The following RNF2 variants were observed in gnomAD, a reference collection of about 807,000 sequenced individuals.
The protein encoded by RNF2 is E3 ubiquitin-protein ligase RING2.
RNF2 carries 6 observed loss-of-function variants against 37.2 expected under a neutral mutation model. The ratio of observed to expected loss-of-function variants is 0.16; its 90% CI spans 0.09 to 0.32. The LOEUF (loss-of-function observed/expected upper bound fraction) is 0.32, where lower values mean the gene tolerates loss of function less well. RNF2 is among the 10% of genes least tolerant of loss of function. The pLI, the probability that RNF2 is intolerant of heterozygous loss-of-function variation, is 1.00. For missense variants in RNF2, 251 were observed against 404.0 expected (o/e 0.62, Z 3.25); for synonymous variants, 133 against 132.7 (o/e 1.00, Z -0.02).
chr1:185,059,204 A>C (rs1202986635), intron 1 of RNF2, among the ~76,000 whole-genome samples: 1 of 150,736 alleles, frequency 6.6e-6, no homozygotes, highest in African/African-American at 2.5e-5. Context: ...TGAGAATAGA[A>C]GTCTCCTGAA....
intron 4 of RNF2, among the ~76,000 whole-genome samples, chr1:185,094,760 T>C (rs1307444416): frequency 6.6e-6 from 1 of 152,230 alleles, no homozygotes; most frequent in Non-Finnish European, 1.5e-5. Context: ...TAAGACCCTA[T>C]ATAAGGTGGG....
Position 185,075,979 on chromosome 1 carries a change from T to G in RNF2, c.-2-11573T>G, listed in dbSNP as rs1055011708. On this transcript the variant is annotated intron_variant, in intron 1 of 6. Coordinates refer to ENST00000367510, the MANE Select transcript of RNF2 (RefSeq NM_007212.4). The stretch of plus-strand genomic sequence containing the variant: ...GAAGTTTAGCACAGTTTAATTTTAT[T>G]GGTTATGTATTGTGTTAATTACTCA... Among the ~76,000 whole-genome samples the G allele has an allele frequency of 3.0e-4, 46 of 152,210 alleles. 2 individuals are homozygous for G. Among genetic ancestry groups the G allele is most frequent in the Non-Finnish European group, 1.0e-4 (7 of 68,034 alleles).
chr1:185,052,176 A>T (rs1271308518), intron 1 of RNF2, among the ~76,000 whole-genome samples: 2 of 152,006 alleles, frequency 1.3e-5, no homozygotes, highest in African/African-American at 4.8e-5. Flanking sequence ...TCCTCTTCGG[A>T]GACCTTTCCT....
chr1:185,091,485 G>A, intron 2 of RNF2, 94 bp from the exon 3 acceptor site: 3 of 1,288,244 alleles, frequency 2.3e-6, no homozygotes, highest in South Asian at 2.7e-5. Flanking sequence ...GTACATATAT[G>A]TTTGTTTTTA....
At chr1:185,087,694 A>G (rs563327533) in intron 2 of RNF2, 54 bp downstream of exon 2, 46 of 1,303,730 alleles carry the variant, frequency 3.5e-5, no homozygotes, top group African/African-American at 1.7e-4. Context: ...ACTGGGATAC[A>G]TTTTTAGAAC....
intron 1 of RNF2, among the ~76,000 whole-genome samples, chr1:185,064,131 A>G (rs1650729498): frequency 6.6e-6 from 1 of 152,200 alleles, no homozygotes; most frequent in Non-Finnish European, 1.5e-5. Context: ...TAAAATTAAC[A>G]AATGGAATAT....
At chr1:185,054,386 G>A (rs1347960146) in intron 1 of RNF2, among the ~76,000 whole-genome samples, 1 of 152,160 alleles carries the variant, frequency 6.6e-6, no homozygotes, top group Non-Finnish European at 1.5e-5. Context: ...ACTCCGGAGA[G>A]GACGTGTCAA....
Position 185,091,747 on chromosome 1 carries a change from GAA to G in RNF2, c.248+11_248+12del. On this transcript the variant is annotated intron_variant, in intron 3 of 6. Coordinates refer to ENST00000367510, the MANE Select transcript of RNF2 (RefSeq NM_007212.4). ...CACAGCCCTTAGAAGTGGGTATGTT[GAA>G]AAGAGTTGTTATACTAGGTACTTAA... 1 of 1,612,308 alleles carries G rather than the reference GAA, an allele frequency of 6.2e-7. No homozygotes were observed. Among genetic ancestry groups the G allele is most frequent in the Non-Finnish European group, 8.5e-7 (1 of 1,178,978 alleles).
chr1:185,082,910 T>C (rs1392158480), intron 1 of RNF2, among the ~76,000 whole-genome samples: 1 of 152,192 alleles, frequency 6.6e-6, no homozygotes, highest in Non-Finnish European at 1.5e-5. Context: ...ATGTATAACA[T>C]AACCACATTG....
intron 1 of RNF2, among the ~76,000 whole-genome samples, chr1:185,050,386 C>A (rs559015291): frequency 2.2e-4 from 34 of 152,222 alleles, no homozygotes; most frequent in Non-Finnish European, 4.6e-4. Context: ...TTTTTATCTT[C>A]TATCCTGATT....
At chr1:185,054,860 G>A (rs1230011805) in intron 1 of RNF2, among the ~76,000 whole-genome samples, 1 of 152,072 alleles carries the variant, frequency 6.6e-6, no homozygotes, top group Non-Finnish European at 1.5e-5. Flanking sequence ...GCCACGCCCG[G>A]CTATTTTTTT....
At position 185,098,142 on chromosome 1, in the gene RNF2, T is replaced by G; in HGVS notation, c.535T>G (p.Cys179Gly). The G allele has an allele frequency of 6.2e-7, 1 of 1,614,210 alleles. No individual in the cohort carries two copies. The highest frequency in any genetic ancestry group is 8.5e-7 in the Non-Finnish European group (1 of 1,180,020). The change falls in exon 5 of 7, where the codon TGC becomes GGC. Residue 179 changes from cysteine (C) to glycine (G), a missense_variant. By Grantham distance (159) the Cys-to-Gly change is radical (BLOSUM62 -3). Around this residue, in one of 7 missense-constraint regions of RNF2, gnomAD observed 94 missense variants for 99.2 expected, o/e 0.95. Coordinates refer to ENST00000367510, the MANE Select transcript of RNF2 (RefSeq NM_007212.4). ...GAEDNGDSSHCSNASTHSNQE... is the reference protein window; with the variant it reads ...GAEDNGDSSHGSNASTHSNQE... ...AGAAGATAATGGTGACAGTTCACAC[T>G]GCAGTAATGCATCCACACATAGCAA...
intron 1 of RNF2, among the ~76,000 whole-genome samples, chr1:185,065,183 T>C (rs552139695): frequency 6.6e-6 from 1 of 152,134 alleles, no homozygotes; most frequent in Non-Finnish European, 1.5e-5. Flanking sequence ...TGTGTCTAGC[T>C]AAAGGATTGT....
At chr1:185,092,643 T>A (rs1294315714) in intron 3 of RNF2, among the ~76,000 whole-genome samples, 2 of 152,114 alleles carry the variant, frequency 1.3e-5, no homozygotes, top group Admixed American at 6.5e-5. Flanking sequence ...ATTTTTCCAC[T>A]TAAGTATATA....
At chr1:185,061,979 C>T (rs1043161927) in intron 1 of RNF2, among the ~76,000 whole-genome samples, 5 of 152,314 alleles carry the variant, frequency 3.3e-5, no homozygotes, top group Non-Finnish European at 4.4e-5. Context: ...TTACCATTCA[C>T]GTGTATTTGT....
intron 1 of RNF2, among the ~76,000 whole-genome samples, chr1:185,067,598 G>A (rs1357149261): frequency 6.6e-6 from 1 of 151,804 alleles, no homozygotes; most frequent in Admixed American, 6.6e-5. Context: ...AAAAGAGAGA[G>A]AAGGCATCTT....
chr1:185,069,218 C>G (rs1366649512), intron 1 of RNF2, among the ~76,000 whole-genome samples: 1 of 152,036 alleles, frequency 6.6e-6, no homozygotes, highest in Non-Finnish European at 1.5e-5. Flanking sequence ...TTTGCAAGGC[C>G]AAGGTTGGCG....
At chr1:185,085,872 G>A (rs1018272410) in intron 1 of RNF2, among the ~76,000 whole-genome samples, 1 of 151,836 alleles carries the variant, frequency 6.6e-6, no homozygotes, top group Non-Finnish European at 1.5e-5. Flanking sequence ...GGCTGGTCTC[G>A]AACTCCTCAC....
chr1:185,087,694 A>AT, intron 2 of RNF2, 54 bp downstream of exon 2: 1 of 1,303,730 alleles, frequency 7.7e-7, no homozygotes, highest in South Asian at 1.2e-5. Context: ...ACTGGGATAC[A>AT]TTTTTAGAAC....
Sources: allele counts gnomAD v4.1 joint callset (sites outside exome capture counted in the v4.1 genomes callset), GRCh38; gene constraint gnomAD v4.1.1; regional missense constraint gnomAD v4.1.1; transcripts MANE v1.5; gene names NCBI Gene and HGNC (gene_info 2026-07-23, HGNC 2026-07-21).